Variants in KHDRBS2 observed in about 807,000 individuals in gnomAD.
KHDRBS2 encodes the protein KH domain-containing, RNA-binding, signal transduction-associated protein 2.
KHDRBS2 carries 26 observed loss-of-function variants against 44.3 expected under a neutral mutation model. The observed-to-expected ratio is 0.59, with a 90% CI of 0.43 to 0.81. The LOEUF (loss-of-function observed/expected upper bound fraction) is 0.81, where lower values mean the gene tolerates loss of function less well. Ranked by LOEUF, KHDRBS2 falls within the 40% of genes least tolerant of loss-of-function variation. The probability of loss-of-function intolerance (pLI) is 0.00; values close to 1 mark genes in which losing one functional copy is unlikely to be tolerated. For synonymous variants in KHDRBS2, 194 were observed against 151.1 expected (o/e 1.28, Z -2.08); for missense variants, 476 against 433.1 (o/e 1.10, Z -0.88).
intron 6 of KHDRBS2, among the ~76,000 whole-genome samples, chr6:61,738,550 A>G (rs1183782611): frequency 1.3e-5 from 2 of 151,998 alleles, no homozygotes; most frequent in African/African-American, 2.4e-5. Context: ...GTGTGGGTCT[A>G]AAATGAAGGC....
At chr6:61,991,703 G>A (rs1776163559) in intron 3 of KHDRBS2, among the ~76,000 whole-genome samples, 1 of 152,306 alleles carries the variant, frequency 6.6e-6, no homozygotes, top group South Asian at 2.1e-4. Context: ...AAATTTTCAA[G>A]GTGGAATATC....
intron 2 of KHDRBS2, among the ~76,000 whole-genome samples, chr6:62,129,297 C>A (rs1235795095): frequency 3.3e-5 from 5 of 152,022 alleles, no homozygotes; most frequent in Admixed American, 3.3e-4. Context: ...AAATGTCATT[C>A]ATGAGTGAAC....
Position 62,143,089 on chromosome 6 carries a change from T to C in KHDRBS2, c.219+34096A>G, listed in dbSNP as rs572646346. On this transcript the variant is annotated intron_variant, in intron 2 of 8. Coordinates refer to ENST00000281156, the MANE Select transcript of KHDRBS2 (RefSeq NM_152688.4). ...AATAACAGAGTTACCTTAAAGCTAA[T>C]TATAACATAATTGACTTATTCTGGT... 1.1e-4 allele frequency among the ~76,000 whole-genome samples: 16 copies of C among 152,008 alleles called. No homozygotes were observed. The South Asian group carries it at 3.1e-3, about 30-fold the overall frequency.
At position 61,993,665 on chromosome 6, in the gene KHDRBS2, ATATATATAT is replaced by A. The variant is rs1361667490; in HGVS notation, c.337-15462_337-15454del. Among the ~76,000 whole-genome samples the A allele has an allele frequency of 2.9e-3, 362 of 123,710 alleles. 5 individuals are homozygous for A. Among genetic ancestry groups the A allele is most frequent in the African/African-American group, 9.4e-3 (335 of 35,488 alleles). The allele number at this position is 123,710 out of a possible 152,430, so 81.2% of individuals were successfully genotyped here. On this transcript the variant is annotated intron_variant, in intron 3 of 8. Transcript: ENST00000281156. ...CCCATAAAATCATATATATATATAT[ATATATATAT>A]TTTTTTTTTTTGATGTGAGCTTATA...
At chr6:61,674,953 T>C in the KHDRBS2 span, among the ~76,000 whole-genome samples, 1 of 151,772 alleles carries the variant, frequency 6.6e-6, no homozygotes, top group African/African-American at 2.4e-5. Flanking sequence ...CAGGTGATAA[T>C]CTAATATGTT....
chr6:62,060,782 C>A (rs1791633440), intron 2 of KHDRBS2, among the ~76,000 whole-genome samples: 1 of 151,838 alleles, frequency 6.6e-6, no homozygotes, highest in Admixed American at 6.6e-5. Context: ...AGAAAGTACA[C>A]ATAGTTGGAG....
At chr6:62,264,605 C>T (rs1182485553) in intron 1 of KHDRBS2, among the ~76,000 whole-genome samples, 1 of 151,628 alleles carries the variant, frequency 6.6e-6, no homozygotes, top group African/African-American at 2.4e-5. Flanking sequence ...TCACAAAAGA[C>T]CGTTAACAGT....
intron 1 of KHDRBS2, among the ~76,000 whole-genome samples, chr6:62,213,550 T>C (rs2150146748): frequency 6.6e-6 from 1 of 152,024 alleles, no homozygotes; most frequent in East Asian, 1.9e-4. Flanking sequence ...AGCAGAATCA[T>C]GGGGAAAGAA....
intron 6 of KHDRBS2, among the ~76,000 whole-genome samples, chr6:61,861,807 A>G (rs76716592): frequency 0.067 from 10,138 of 152,170 alleles, 402 homozygotes; most frequent in Middle Eastern, 0.12. Context: ...TTTGGGAAGT[A>G]TAATCATTTT....
At chr6:62,030,432 G>A (rs888390022) in intron 3 of KHDRBS2, among the ~76,000 whole-genome samples, 3 of 152,004 alleles carry the variant, frequency 2.0e-5, no homozygotes, top group African/African-American at 7.2e-5. Context: ...CTAAATTGAT[G>A]CAGATGGCTT....
At chr6:61,588,551 G>A in the KHDRBS2 span, among the ~76,000 whole-genome samples, 14 of 152,272 alleles carry the variant, frequency 9.2e-5, 1 homozygote, top group Admixed American at 5.9e-4. Flanking sequence ...GCAAGGCTGA[G>A]GTGGGAGGGT....
intron 3 of KHDRBS2, among the ~76,000 whole-genome samples, chr6:61,992,351 C>T (rs1378632096): frequency 1.3e-5 from 2 of 152,056 alleles, no homozygotes; most frequent in Non-Finnish European, 2.9e-5. Context: ...TAGAAATTAC[C>T]ATCCTCTTTT....
At chr6:62,161,274 T>C (rs1817560957) in intron 2 of KHDRBS2, among the ~76,000 whole-genome samples, 2 of 151,998 alleles carry the variant, frequency 1.3e-5, no homozygotes, top group African/African-American at 4.8e-5. Context: ...ACTGTTTACA[T>C]TTAAAGTAAT....
In KHDRBS2 at chr6:61,680,881, T is replaced by G. The variant is rs1325945387; in HGVS notation, c.*82A>C. ...AGAAACAAACAAACAAAAAAAGGAC[T>G]ATTACTTGTCTTGTTGCTGTTTATG... On this transcript the variant is annotated 3_prime_UTR_variant, in exon 9 of 9. Coordinates refer to ENST00000281156, the MANE Select transcript of KHDRBS2 (RefSeq NM_152688.4). 3.1e-5 allele frequency: 25 copies of G among 797,484 alleles called. No homozygotes were observed. The highest frequency in any genetic ancestry group is 4.8e-5 in the Non-Finnish European group (23 of 475,650). The allele number at this position is 797,484 out of a possible 1,614,324, so 49.4% of individuals were successfully genotyped here.
At chr6:61,707,814 C>A (rs1367952721) in intron 7 of KHDRBS2, among the ~76,000 whole-genome samples, 1 of 151,488 alleles carries the variant, frequency 6.6e-6, no homozygotes, top group Admixed American at 6.6e-5. Flanking sequence ...ATAGGTATAA[C>A]AAACAAGTAT....
At chr6:62,057,887 T>A (rs1422515152) in intron 2 of KHDRBS2, among the ~76,000 whole-genome samples, 1 of 151,932 alleles carries the variant, frequency 6.6e-6, no homozygotes, top group East Asian at 1.9e-4. Flanking sequence ...CAACAAAACA[T>A]AATTGGTGGC....
the KHDRBS2 span, among the ~76,000 whole-genome samples, chr6:61,599,274 T>C: frequency 6.6e-6 from 1 of 152,130 alleles, no homozygotes. Context: ...GAGGCTGTAT[T>C]CCAATAAAAC....
chr6:61,611,996 A>T, the KHDRBS2 span, among the ~76,000 whole-genome samples: 1 of 152,232 alleles, frequency 6.6e-6, no homozygotes, highest in Non-Finnish European at 1.5e-5. Context: ...TAATAGAATC[A>T]GGTCATATCA....
the KHDRBS2 span, chr6:61,574,183 C>T: frequency 1.6e-6 from 1 of 640,420 alleles, no homozygotes; most frequent in Non-Finnish European, 2.8e-6. Flanking sequence ...GCAAATCTTA[C>T]CCCGCCTGTT....
Sources: gnomAD v4.1 joint callset for allele counts (sites outside exome capture counted in the v4.1 genomes callset) on GRCh38, gnomAD v4.1.1 for gene constraint, MANE v1.5 for transcripts, NCBI Gene and HGNC (gene_info 2026-07-23, HGNC 2026-07-21) for gene names.